Variants in FAAH2 observed in about 807,000 individuals in gnomAD.
The protein encoded by FAAH2 is fatty-acid amide hydrolase 2.
FAAH2 carries 60 observed loss-of-function variants against 36.9 expected under a neutral mutation model. The observed-to-expected ratio is 1.63, with a 90% CI of 1.32 to 2.02. The LOEUF is 2.02. Ranked by LOEUF, FAAH2 falls within the 30% of genes most tolerant of loss-of-function variation. The probability of loss-of-function intolerance (pLI) is 0.00; values close to 1 mark genes in which losing one functional copy is unlikely to be tolerated. For synonymous variants in FAAH2, 214 were observed against 143.8 expected (o/e 1.49, Z -3.49); for missense variants, 689 against 397.5 (o/e 1.73, Z -6.23).
chrX:57,447,357 C>T (rs1159971923), intron 9 of FAAH2, among the ~76,000 whole-genome samples: 3 of 111,303 alleles, frequency 2.7e-5, no homozygotes, highest in African/African-American at 9.8e-5. Flanking sequence ...ATCAGTGGAT[C>T]TACCATTCTG....
chrX:57,146,515 G>C, the FAAH2 span, among the ~76,000 whole-genome samples: 1 of 111,601 alleles, frequency 9.0e-6, no homozygotes, highest in Non-Finnish European at 1.9e-5. Flanking sequence ...AGCAAATAGT[G>C]GCAGTTTGAC....
chrX:57,325,438 G>A, intron 3 of FAAH2, among the ~76,000 whole-genome samples: 1 of 111,448 alleles, frequency 9.0e-6, no homozygotes, highest in Middle Eastern at 4.6e-3. Context: ...TTGTACCTCT[G>A]GTAGAATTCT....
intron 3 of FAAH2, among the ~76,000 whole-genome samples, chrX:57,315,995 G>C (rs2052826480): frequency 9.0e-6 from 1 of 111,670 alleles, no homozygotes; most frequent in Non-Finnish European, 1.9e-5. Flanking sequence ...CTTATGCTTA[G>C]AAAATCCTAA....
intron 2 of FAAH2, among the ~76,000 whole-genome samples, chrX:57,296,622 AGAG>A (rs1262943870): frequency 3.6e-5 from 4 of 112,162 alleles, no homozygotes; most frequent in Non-Finnish European, 7.5e-5. Flanking sequence ...TCACGAGTTC[AGAG>A]AAGAAGGCTT....
chrX:57,243,701 C>G, the FAAH2 span, among the ~76,000 whole-genome samples: 1 of 111,834 alleles, frequency 8.9e-6, no homozygotes, highest in African/African-American at 3.2e-5. Context: ...GGAATAATAT[C>G]AACATCAACA....
the FAAH2 span, among the ~76,000 whole-genome samples, chrX:57,161,598 C>T: frequency 9.0e-6 from 1 of 111,522 alleles, no homozygotes; most frequent in Admixed American, 9.5e-5. Context: ...TGAATTGATC[C>T]CTTTACCGTT....
chrX:57,334,520 AAAAAG>A (rs1177003372), intron 4 of FAAH2, among the ~76,000 whole-genome samples: 3 of 111,329 alleles, frequency 2.7e-5, no homozygotes, highest in African/African-American at 9.8e-5. Flanking sequence ...ATGTAAAAAA[AAAAAG>A]AAAATTATTA....
the FAAH2 span, among the ~76,000 whole-genome samples, chrX:57,210,360 C>T: frequency 8.9e-6 from 1 of 111,763 alleles, no homozygotes; most frequent in Non-Finnish European, 1.9e-5. Flanking sequence ...TGACCATACG[C>T]ACGACAATAC....
chrX:57,381,965 A>G (rs748827259), intron 7 of FAAH2, among the ~76,000 whole-genome samples: 2 of 111,847 alleles, frequency 1.8e-5, no homozygotes, highest in South Asian at 7.5e-4. Context: ...CAGAAATTAT[A>G]ACAAACTGTC....
the FAAH2 span, among the ~76,000 whole-genome samples, chrX:57,257,662 G>T: frequency 9.1e-6 from 1 of 110,173 alleles, no homozygotes; most frequent in South Asian, 4.0e-4. Context: ...TGCACATTCT[G>T]CATATGTAAC....
At chrX:57,159,720 A>T in the FAAH2 span, among the ~76,000 whole-genome samples, 1 of 112,100 alleles carries the variant, frequency 8.9e-6, no homozygotes, top group Non-Finnish European at 1.9e-5. Context: ...GTTGCTTATC[A>T]GTTTAAGGAG....
the FAAH2 span, among the ~76,000 whole-genome samples, chrX:57,185,477 T>C: frequency 1.0e-5 from 1 of 98,142 alleles, no homozygotes; most frequent in African/African-American, 4.2e-5. Context: ...TTTCTCTGTC[T>C]CTCTCTGTCT....
the FAAH2 span, among the ~76,000 whole-genome samples, chrX:57,133,837 C>T: frequency 6.3e-5 from 7 of 111,866 alleles, no homozygotes; most frequent in Non-Finnish European, 1.3e-4. Flanking sequence ...ATCCCTGCTA[C>T]GGTGAAGTAG....
At chrX:57,414,062 T>C (rs1249046803) in intron 7 of FAAH2, among the ~76,000 whole-genome samples, 3 of 112,451 alleles carry the variant, frequency 2.7e-5, no homozygotes, top group Non-Finnish European at 5.6e-5. Context: ...ATTGATTTTG[T>C]ATCCTGAGAC....
chrX:57,309,163 G>A (rs1470594286), intron 2 of FAAH2, among the ~76,000 whole-genome samples: 1 of 111,935 alleles, frequency 8.9e-6, no homozygotes, highest in Non-Finnish European at 1.9e-5. Flanking sequence ...TTTAGTGATT[G>A]TATTACCACA....
intron 1 of FAAH2, among the ~76,000 whole-genome samples, chrX:57,287,691 G>C (rs867867031): frequency 9.0e-6 from 1 of 111,713 alleles, no homozygotes; most frequent in African/African-American, 3.3e-5. Flanking sequence ...GAATTGTGCA[G>C]GCAGGACTAT....
chrX:57,165,733 A>G, the FAAH2 span, among the ~76,000 whole-genome samples: 1 of 111,214 alleles, frequency 9.0e-6, no homozygotes, highest in Non-Finnish European at 1.9e-5. Context: ...AAAGAAATTC[A>G]TATTAAGTTC....
At chrX:57,251,571 G>A in the FAAH2 span, among the ~76,000 whole-genome samples, 1 of 111,880 alleles carries the variant, frequency 8.9e-6, no homozygotes, top group Non-Finnish European at 1.9e-5. Context: ...CTGTTTGCAG[G>A]TGACATGATC....
chrX:57,282,281 A>T (rs1300948618), upstream of FAAH2, among the ~76,000 whole-genome samples: 6 of 112,156 alleles, frequency 5.3e-5, no homozygotes, highest in Non-Finnish European at 9.4e-5. Flanking sequence ...GTGAGATGGT[A>T]TCTCTTCGTG....
Sources: gnomAD v4.1 joint callset for allele counts (sites outside exome capture counted in the v4.1 genomes callset) on GRCh38, gnomAD v4.1.1 for gene constraint, MANE v1.5 for transcripts, NCBI Gene and HGNC (gene_info 2026-07-23, HGNC 2026-07-21) for gene names.